Variants in COLEC10 observed in about 807,000 individuals in gnomAD.
COLEC10 encodes collectin subfamily member 10.
In COLEC10, 22 loss-of-function variants were observed where a neutral mutation model predicts 28.4. The ratio of observed to expected loss-of-function variants is 0.78; its 90% CI spans 0.55 to 1.11. The LOEUF (loss-of-function observed/expected upper bound fraction) is 1.11, where lower values mean the gene tolerates loss of function less well. COLEC10 is among the 50% of genes least tolerant of loss of function. The probability of loss-of-function intolerance (pLI) is 0.00; values close to 1 mark genes in which losing one functional copy is unlikely to be tolerated. For synonymous variants in COLEC10, 125 were observed against 116.1 expected (o/e 1.08, Z -0.49); for missense variants, 361 against 344.1 (o/e 1.05, Z -0.39).
intron 2 of COLEC10, among the ~76,000 whole-genome samples, chr8:119,036,087 G>A (rs894366185): frequency 4.5e-4 from 68 of 151,796 alleles, no homozygotes; most frequent in African/African-American, 1.5e-3. Context: ...TCAAGCACAC[G>A]GTTTTAAAAA....
the COLEC10 span, among the ~76,000 whole-genome samples, chr8:118,987,317 AC>A: frequency 6.6e-6 from 1 of 152,194 alleles, no homozygotes; most frequent in Non-Finnish European, 1.5e-5. Context: ...TAATCCCAGA[AC>A]TTTGAGAGGC....
In COLEC10 at chr8:119,105,717, T is replaced by A. The variant is rs1157467300; in HGVS notation, c.443-83T>A. On this transcript the variant is annotated intron_variant, in intron 5 of 5. Transcript: ENST00000332843. ...AATTCTTGAATATTGAATAAATAAA[T>A]GTAAATCTGGCAATATCATATAATT... 12 of 1,211,208 alleles carry A rather than the reference T, an allele frequency of 9.9e-6. No homozygotes were observed. In the Admixed American group the frequency reaches 3.2e-4, roughly 32 times the overall value. 75.0% of individuals were successfully genotyped at this position (1,211,208 alleles called of 1,614,324 possible).
At chr8:119,074,852 G>A (rs1334705451) in intron 1 of COLEC10, among the ~76,000 whole-genome samples, 1 of 152,104 alleles carries the variant, frequency 6.6e-6, no homozygotes, top group East Asian at 1.9e-4. Flanking sequence ...GTTGTCATGG[G>A]GATTGCATGA....
At chr8:119,006,546 G>A (rs1813801238) in intron 1 of COLEC10, among the ~76,000 whole-genome samples, 1 of 151,922 alleles carries the variant, frequency 6.6e-6, no homozygotes, top group Non-Finnish European at 1.5e-5. Flanking sequence ...CTTAACAAAG[G>A]GGCTGACACA....
chr8:118,975,201 T>C, the COLEC10 span, among the ~76,000 whole-genome samples: 2 of 152,022 alleles, frequency 1.3e-5, no homozygotes, highest in East Asian at 3.9e-4. Flanking sequence ...ATCCTAACAC[T>C]ACATCAGAAT....
At chr8:119,055,955 A>T (rs1814753298) in intron 2 of COLEC10, among the ~76,000 whole-genome samples, 1 of 151,962 alleles carries the variant, frequency 6.6e-6, no homozygotes, top group Admixed American at 6.6e-5. Flanking sequence ...TCTGGCTGGA[A>T]TTTTTTTGAG....
chr8:119,107,251 A>G lies in COLEC10; in HGVS notation c.*1060A>G, dbSNP rs145935008. Among the ~76,000 whole-genome samples the G allele has an allele frequency of 7.3e-4, 111 of 152,290 alleles. No individual in the cohort carries two copies. The highest frequency in any genetic ancestry group is 3.4e-3 in the Middle Eastern group (1 of 294). ...TACTCTTCATAAATATATGTCATAG[A>G]AATCCTACTGGAGATGTCCCTTCTA... On this transcript the variant is annotated 3_prime_UTR_variant, in exon 6 of 6. Coordinates refer to ENST00000332843, the MANE Select transcript of COLEC10 (RefSeq NM_006438.5).
the COLEC10 span, among the ~76,000 whole-genome samples, chr8:118,961,289 AT>A: frequency 1.3e-5 from 2 of 152,292 alleles, no homozygotes; most frequent in African/African-American, 4.8e-5. Context: ...CAAAAATCCC[AT>A]GGTTCATCAT....
rs558996289 is a variant in COLEC10, at chr8:119,010,765, A to G, written n.235+1212A>G. On this transcript the variant is annotated intron_variant and non_coding_transcript_variant, in intron 2 of 6. Coordinates refer to the COLEC10 transcript ENST00000521788. ...TATTTGATGACATATGAAGTAGAAC[A>G]CCTTTTCATATGGTAATTTGCCATC... Among the ~76,000 whole-genome samples the G allele has an allele frequency of 5.2e-4, 78 of 151,156 alleles. 6 individuals are homozygous for G. The highest frequency in any genetic ancestry group is 1.8e-3 in the African/African-American group (75 of 40,598).
At chr8:119,009,257 C>A (rs1486926996) in intron 1 of COLEC10, among the ~76,000 whole-genome samples, 1 of 150,942 alleles carries the variant, frequency 6.6e-6, no homozygotes, top group African/African-American at 2.5e-5. Flanking sequence ...TTTCCACCAA[C>A]ACTTATGTTG....
chr8:119,002,680 T>A (rs542385412), intron 1 of COLEC10, among the ~76,000 whole-genome samples: 6 of 152,234 alleles, frequency 3.9e-5, no homozygotes, highest in Admixed American at 2.0e-4. Context: ...CCACTACAAG[T>A]TCATATATGG....
At chr8:118,990,833 AG>A (rs1434372215), upstream of COLEC10, among the ~76,000 whole-genome samples, 1 of 152,076 alleles carries the variant, frequency 6.6e-6, no homozygotes, top group African/African-American at 2.4e-5. Flanking sequence ...AAGCAAACTG[AG>A]AGTCCCAGAG....
intron 1 of COLEC10, among the ~76,000 whole-genome samples, chr8:119,072,624 C>G (rs1176756864): frequency 6.6e-6 from 1 of 152,124 alleles, no homozygotes; most frequent in Admixed American, 6.5e-5. Flanking sequence ...GCCAGAGAGG[C>G]CCCTACACAG....
chr8:118,971,209 A>G, the COLEC10 span, among the ~76,000 whole-genome samples: 2 of 151,926 alleles, frequency 1.3e-5, no homozygotes, highest in African/African-American at 4.8e-5. Context: ...TGGGCTTGCT[A>G]TCTTACCATC....
chr8:118,967,095 G>A, the COLEC10 span, among the ~76,000 whole-genome samples: 1 of 152,026 alleles, frequency 6.6e-6, no homozygotes, highest in Non-Finnish European at 1.5e-5. Flanking sequence ...CAGGGAAATG[G>A]TTTTACCCCA....
intron 1 of COLEC10, among the ~76,000 whole-genome samples, chr8:119,087,665 C>G (rs1213304263): frequency 6.6e-6 from 1 of 151,984 alleles, no homozygotes; most frequent in Admixed American, 6.6e-5. Context: ...AACTATATTT[C>G]TTTCTGCAAC....
At chr8:118,960,504 C>T in the COLEC10 span, among the ~76,000 whole-genome samples, 2 of 152,050 alleles carry the variant, frequency 1.3e-5, no homozygotes, top group African/African-American at 4.8e-5. Context: ...GCTCATAAAG[C>T]AGAATGATCA....
intron 2 of COLEC10, among the ~76,000 whole-genome samples, chr8:119,014,678 G>T (rs534279669): frequency 1.3e-5 from 2 of 150,730 alleles, no homozygotes; most frequent in Non-Finnish European, 2.9e-5. Context: ...TATCCTTTGG[G>T]TATATCCATT....
chr8:118,985,078 G>A, the COLEC10 span, among the ~76,000 whole-genome samples: 1 of 151,976 alleles, frequency 6.6e-6, no homozygotes, highest in Non-Finnish European at 1.5e-5. Flanking sequence ...GGGTGGGGGG[G>A]ACACAGAGCC....
Sources: gnomAD v4.1 joint callset for allele counts (sites outside exome capture counted in the v4.1 genomes callset) on GRCh38, gnomAD v4.1.1 for gene constraint, MANE v1.5 for transcripts, NCBI Gene and HGNC (gene_info 2026-07-23, HGNC 2026-07-21) for gene names.